NOVA1: variants seen among roughly 807,000 people sequenced by gnomAD.
NOVA1 encodes the protein RNA-binding protein Nova-1.
In NOVA1, 7 loss-of-function variants were observed where a neutral mutation model predicts 38.0. That is an observed-to-expected ratio of 0.18 (90% CI 0.10 to 0.35). The LOEUF (loss-of-function observed/expected upper bound fraction) is 0.35, where lower values mean the gene tolerates loss of function less well. Ranked by LOEUF, NOVA1 falls within the 10% of genes least tolerant of loss-of-function variation. The pLI, the probability that NOVA1 is intolerant of heterozygous loss-of-function variation, is 1.00. For missense variants in NOVA1, 460 were observed against 616.0 expected (o/e 0.75, Z 2.68); for synonymous variants, 270 against 232.5 (o/e 1.16, Z -1.47).
intron 4 of NOVA1, among the ~76,000 whole-genome samples, chr14:26,461,790 G>T (rs1394616138): frequency 7.5e-6 from 1 of 133,402 alleles, no homozygotes; most frequent in Non-Finnish European, 1.6e-5. Flanking sequence ...AAAAAAATTT[G>T]CCAGGCATGC....
At chr14:26,505,567 G>A (rs1352289082) in intron 2 of NOVA1, among the ~76,000 whole-genome samples, 1 of 152,084 alleles carries the variant, frequency 6.6e-6, no homozygotes, top group Non-Finnish European at 1.5e-5. Context: ...GTTTATAGCA[G>A]TGTGAAAATG....
intron 2 of NOVA1, among the ~76,000 whole-genome samples, chr14:26,526,654 A>T (rs1236465395): frequency 6.6e-6 from 1 of 152,160 alleles, no homozygotes; most frequent in Non-Finnish European, 1.5e-5. Flanking sequence ...GCTACATTTT[A>T]TCTGAAAGAA....
intron 2 of NOVA1, among the ~76,000 whole-genome samples, chr14:26,580,056 C>T (rs569577377): frequency 5.0e-4 from 76 of 151,380 alleles, no homozygotes; most frequent in Non-Finnish European, 9.6e-4. Context: ...CACTGCACTG[C>T]ACCAGCTAAA....
chr14:26,565,310 A>G (rs1052758957), intron 2 of NOVA1, among the ~76,000 whole-genome samples: 2 of 152,128 alleles, frequency 1.3e-5, no homozygotes, highest in Non-Finnish European at 2.9e-5. Flanking sequence ...GAATTATCCT[A>G]TGACTTAATG....
chr14:26,496,317 G>A (rs924634308), intron 2 of NOVA1, among the ~76,000 whole-genome samples: 9 of 152,146 alleles, frequency 5.9e-5, no homozygotes, highest in East Asian at 1.9e-4. Context: ...GGCTGTTCAT[G>A]TCCTTCGCCC....
intron 4 of NOVA1, among the ~76,000 whole-genome samples, chr14:26,463,153 T>A (rs964123080): frequency 6.6e-6 from 1 of 152,204 alleles, no homozygotes; most frequent in African/African-American, 2.4e-5. Context: ...ATCACTCTCC[T>A]GTGATTAAGG....
chr14:26,504,140 C>G (rs1887451795), intron 2 of NOVA1, among the ~76,000 whole-genome samples: 1 of 152,094 alleles, frequency 6.6e-6, no homozygotes, highest in Non-Finnish European at 1.5e-5. Context: ...CTATCAAGTA[C>G]CATTCGCTTG....
At chr14:26,559,735 G>A (rs1891705910) in intron 2 of NOVA1, among the ~76,000 whole-genome samples, 2 of 152,158 alleles carry the variant, frequency 1.3e-5, no homozygotes. Context: ...CAGAGGCTGG[G>A]AAGGGTTGAG....
intron 2 of NOVA1, among the ~76,000 whole-genome samples, chr14:26,532,578 G>T (rs73601932): frequency 6.6e-6 from 1 of 152,082 alleles, no homozygotes; most frequent in Non-Finnish European, 1.5e-5. Context: ...TCTGGCAAGG[G>T]GCACAATGAA....
intron 2 of NOVA1, among the ~76,000 whole-genome samples, chr14:26,498,516 G>A (rs185112389): frequency 8.5e-4 from 130 of 152,072 alleles, no homozygotes; most frequent in East Asian, 2.7e-3. Flanking sequence ...TTCAGAAAAT[G>A]CCATATTACC....
At chr14:26,494,938 G>A (rs1271767958) in intron 2 of NOVA1, among the ~76,000 whole-genome samples, 1 of 152,050 alleles carries the variant, frequency 6.6e-6, no homozygotes, top group Non-Finnish European at 1.5e-5. Flanking sequence ...CTCATATTAA[G>A]AGTTAAGTCT....
intron 2 of NOVA1, 39 bp downstream of exon 2, chr14:26,595,370 TG>T: frequency 1.3e-6 from 2 of 1,593,736 alleles, no homozygotes; most frequent in Non-Finnish European, 1.7e-6. Context: ...TTCTTTCCTG[TG>T]GGGAGCTCAT....
chr14:26,553,785 C>T (rs1192362587), intron 2 of NOVA1, among the ~76,000 whole-genome samples: 1 of 152,008 alleles, frequency 6.6e-6, no homozygotes, highest in African/African-American at 2.4e-5. Flanking sequence ...AAACAACCCC[C>T]ATGCTCCCCA....
chr14:26,464,175 G>A (rs1883930811), intron 4 of NOVA1, among the ~76,000 whole-genome samples: 1 of 152,150 alleles, frequency 6.6e-6, no homozygotes, highest in Admixed American at 6.5e-5. Context: ...ATATAGTCAT[G>A]TGCTGCATTG....
At chr14:26,533,958 G>A (rs531751334) in intron 2 of NOVA1, among the ~76,000 whole-genome samples, 2 of 152,282 alleles carry the variant, frequency 1.3e-5, no homozygotes, top group South Asian at 4.1e-4. Context: ...TCAGACTGCT[G>A]TATGTGATAT....
chr14:26,596,917 G>T, intron 1 of NOVA1: 1 of 1,175,984 alleles, frequency 8.5e-7, no homozygotes, highest in Non-Finnish European at 1.1e-6. Context: ...ACTGTTAAAC[G>T]CAGCGCGCAT....
intron 4 of NOVA1, among the ~76,000 whole-genome samples, chr14:26,465,618 A>G (rs958679035): frequency 3.7e-4 from 57 of 152,336 alleles, no homozygotes; most frequent in African/African-American, 1.3e-3. Context: ...TAATCTCTTC[A>G]TTCAACTATA....
At chr14:26,462,913 A>C (rs1281350541) in intron 4 of NOVA1, among the ~76,000 whole-genome samples, 1 of 152,210 alleles carries the variant, frequency 6.6e-6, no homozygotes, top group East Asian at 1.9e-4. Context: ...ATATTTTAAA[A>C]ACAAAGTAGA....
intron 4 of NOVA1, among the ~76,000 whole-genome samples, chr14:26,463,335 AAC>A (rs1366671541): frequency 1.3e-5 from 2 of 152,164 alleles, no homozygotes; most frequent in East Asian, 3.9e-4. Flanking sequence ...TAGATTTATA[AAC>A]ACACACACGT....
Sources: allele counts gnomAD v4.1 joint callset (sites outside exome capture counted in the v4.1 genomes callset), GRCh38; gene constraint gnomAD v4.1.1; transcripts MANE v1.5; gene names NCBI Gene and HGNC (gene_info 2026-07-23, HGNC 2026-07-21).